Variants in EXOC4 observed in about 807,000 individuals in gnomAD.
EXOC4 encodes the protein exocyst complex component 4.
Under a neutral mutation model 107.2 loss-of-function variants are expected in EXOC4, and 71 were observed. That is an observed-to-expected ratio of 0.66 (90% CI 0.55 to 0.81). The LOEUF is 0.81. Among genes scored for constraint, EXOC4 ranks in the 30% least tolerant of loss-of-function variants. The probability of loss-of-function intolerance (pLI) is 0.00; values close to 1 mark genes in which losing one functional copy is unlikely to be tolerated. For synonymous variants in EXOC4, 456 were observed against 441.2 expected (o/e 1.03, Z -0.42); for missense variants, 1,108 against 1,189.6 (o/e 0.93, Z 1.01).
intron 6 of EXOC4, among the ~76,000 whole-genome samples, chr7:133,370,305 A>C (rs1238522717): frequency 2.0e-5 from 3 of 151,894 alleles, no homozygotes; most frequent in Non-Finnish European, 2.9e-5. Context: ...TTTTAATTTT[A>C]ATTTTTATAT....
chr7:133,780,244 AAC>A (rs1562994171), intron 10 of EXOC4, among the ~76,000 whole-genome samples: 5 of 152,026 alleles, frequency 3.3e-5, no homozygotes, highest in African/African-American at 1.2e-4. Context: ...CCAAAAAAAA[AAC>A]CTTCCTTTTC....
At chr7:133,544,415 T>A (rs1035456606) in intron 9 of EXOC4, among the ~76,000 whole-genome samples, 3 of 152,176 alleles carry the variant, frequency 2.0e-5, no homozygotes, top group Admixed American at 6.5e-5. Context: ...ATTTATTTGT[T>A]TTCTTAGTAG....
chr7:134,073,205 CAAAAAAAAAAA>C, the EXOC4 span, among the ~76,000 whole-genome samples: 22 of 22,598 alleles, frequency 9.7e-4, 1 homozygote, highest in Admixed American at 3.0e-3. Flanking sequence ...GACTTCCTCT[CAAAAAAAAAAA>C]AAAAAAAAAA....
chr7:133,821,483 A>AT (rs989218834), intron 11 of EXOC4, among the ~76,000 whole-genome samples: 2 of 151,994 alleles, frequency 1.3e-5, no homozygotes, highest in Admixed American at 6.6e-5. Context: ...CATTTAGACA[A>AT]TTTTTTTTAG....
intron 13 of EXOC4, among the ~76,000 whole-genome samples, chr7:133,924,194 A>G (rs1472838892): frequency 6.6e-6 from 1 of 152,248 alleles, no homozygotes; most frequent in Non-Finnish European, 1.5e-5. Flanking sequence ...CTCCGTAAGC[A>G]TACTCATCTA....
chr7:133,713,009 G>A (rs539561576), intron 10 of EXOC4, among the ~76,000 whole-genome samples: 2 of 152,258 alleles, frequency 1.3e-5, no homozygotes, highest in Non-Finnish European at 2.9e-5. Context: ...TTGGAGTGAC[G>A]GAAATGTTTT....
At chr7:133,972,097 T>C (rs1188088505) in intron 14 of EXOC4, among the ~76,000 whole-genome samples, 1 of 152,268 alleles carries the variant, frequency 6.6e-6, no homozygotes, top group Non-Finnish European at 1.5e-5. Flanking sequence ...ACAGCCACTT[T>C]CTGAGCTAAT....
rs141069340 is a variant in EXOC4, at chr7:133,630,096, A to C, written c.1469A>C (p.Lys490Thr). The C allele has an allele frequency of 2.5e-6, 4 of 1,614,008 alleles. No individual in the cohort carries two copies. Among genetic ancestry groups the C allele is most frequent in the East Asian group, 2.2e-5 (1 of 44,854 alleles). ...GGTGGAGGAACAAAATTTGTCTGCA[A>C]ACCTGGAGCCAGAAACATTACCGTC... Reference protein sequence around the residue: ...IEGGGTKFVCKPGARNITVIF... With the variant: ...IEGGGTKFVCTPGARNITVIF... Residue 490 changes from lysine to threonine, a missense_variant, in exon 10 of 18, where the codon AAA becomes ACA. Physicochemically the swap from Lys to Thr is moderately conservative, Grantham distance 78 (BLOSUM62 -1). Transcript: ENST00000253861.
At chr7:133,841,989 G>A (rs1264503372) in intron 11 of EXOC4, among the ~76,000 whole-genome samples, 2 of 152,158 alleles carry the variant, frequency 1.3e-5, no homozygotes, top group Non-Finnish European at 2.9e-5. Flanking sequence ...CAAAGAACGT[G>A]AGTTCATTCT....
intron 10 of EXOC4, among the ~76,000 whole-genome samples, chr7:133,724,605 C>A (rs1268646185): frequency 1.3e-5 from 2 of 152,060 alleles, no homozygotes; most frequent in Admixed American, 6.5e-5. Context: ...AATATCATAT[C>A]TATTATTTTA....
chr7:133,495,254 TA>T (rs113062778), intron 9 of EXOC4, among the ~76,000 whole-genome samples: 141 of 144,198 alleles, frequency 9.8e-4, no homozygotes, highest in Admixed American at 1.1e-3. Context: ...CTGTCTCCAA[TA>T]AAAAAAAAAA....
Position 133,589,457 on chromosome 7 carries a change from A to G in EXOC4, c.1418-40588A>G, listed in dbSNP as rs144368309. On this transcript the variant is annotated intron_variant, in intron 9 of 17. Coordinates refer to ENST00000253861, the MANE Select transcript of EXOC4 (RefSeq NM_021807.4). ...CTTTGTGCTTTGTCTTCAGGATCAC[A>G]CTGGTAAAGCCATGTCCTGTCTCCT... Among the ~76,000 whole-genome samples, 380 of 152,300 alleles carry G rather than the reference A, an allele frequency of 2.5e-3. 2 individuals are homozygous for G. Among genetic ancestry groups the G allele is most frequent in the Non-Finnish European group, 3.3e-3 (223 of 68,022 alleles).
intron 10 of EXOC4, among the ~76,000 whole-genome samples, chr7:133,766,794 C>G (rs749965279): frequency 1.1e-4 from 17 of 151,844 alleles, no homozygotes; most frequent in Non-Finnish European, 2.2e-4. Context: ...TCAAATTGCC[C>G]AGGTCACTTG....
intron 2 of EXOC4, among the ~76,000 whole-genome samples, chr7:133,287,633 G>C (rs973633255): frequency 6.6e-6 from 1 of 152,168 alleles, no homozygotes; most frequent in East Asian, 1.9e-4. Flanking sequence ...ATTAAGAGAG[G>C]TTACAAGGTC....
At chr7:133,699,396 C>T (rs1794608001) in intron 10 of EXOC4, among the ~76,000 whole-genome samples, 1 of 152,072 alleles carries the variant, frequency 6.6e-6, no homozygotes, top group Non-Finnish European at 1.5e-5. Flanking sequence ...TCAGGAATAG[C>T]AGGGGAGCAA....
At chr7:133,978,111 A>T (rs1204906584) in intron 14 of EXOC4, among the ~76,000 whole-genome samples, 3 of 152,236 alleles carry the variant, frequency 2.0e-5, no homozygotes, top group African/African-American at 7.2e-5. Context: ...ACCCAGGTTC[A>T]AATGAGGCAA....
chr7:133,951,739 G>A (rs1800695755), intron 14 of EXOC4, among the ~76,000 whole-genome samples: 1 of 152,200 alleles, frequency 6.6e-6, no homozygotes, highest in South Asian at 2.1e-4. Flanking sequence ...TGGGAACACA[G>A]GCATAGGGTA....
chr7:133,897,272 T>C (rs1444767514), intron 12 of EXOC4, among the ~76,000 whole-genome samples: 1 of 152,086 alleles, frequency 6.6e-6, no homozygotes, highest in Admixed American at 6.6e-5. Context: ...AACAACCATC[T>C]CATTGAGATG....
Position 133,492,684 on chromosome 7 carries a change from T to A in EXOC4, c.1417+12546T>A, listed in dbSNP as rs187171783. The stretch of plus-strand genomic sequence containing the variant: ...CTAGGCTTTCGTTGATGTATTAGTT[T>A]TAGTGCCCACTTTAGTCTCTTAAGA... On this transcript the variant is annotated intron_variant, in intron 9 of 17. Coordinates refer to ENST00000253861, the MANE Select transcript of EXOC4 (RefSeq NM_021807.4). Among the ~76,000 whole-genome samples the A allele has an allele frequency of 2.0e-3, 303 of 152,256 alleles. 1 individual carries two copies. Among genetic ancestry groups the A allele is most frequent in the African/African-American group, 6.8e-3 (281 of 41,552 alleles).
Sources: gnomAD v4.1 joint callset for allele counts (sites outside exome capture counted in the v4.1 genomes callset) on GRCh38, gnomAD v4.1.1 for gene constraint, MANE v1.5 for transcripts, NCBI Gene and HGNC (gene_info 2026-07-23, HGNC 2026-07-21) for gene names.